GUCD1: variants seen among roughly 807,000 people sequenced by gnomAD.
GUCD1 encodes the protein protein GUCD1.
A neutral mutation model predicts 28.3 loss-of-function variants in GUCD1; 17 were observed. The ratio of observed to expected loss-of-function variants is 0.60; its 90% confidence interval spans 0.41 to 0.90. GUCD1 has a LOEUF of 0.90. GUCD1 is among the 40% of genes least tolerant of loss of function. GUCD1 has a pLI of 0.00. For synonymous variants in GUCD1, 129 were observed against 123.3 expected (o/e 1.05, Z -0.30); for missense variants, 279 against 305.5 (o/e 0.91, Z 0.65).
upstream of GUCD1, chr22:24,555,181 C>A: frequency 7.7e-7 from 1 of 1,302,336 alleles, no homozygotes; most frequent in Non-Finnish European, 9.7e-7. Context: ...GGTCTCGAAT[C>A]TGGAGGCCCC....
intron 1 of GUCD1, among the ~76,000 whole-genome samples, chr22:24,551,918 G>A (rs990909745): frequency 6.6e-6 from 1 of 152,242 alleles, no homozygotes; most frequent in Non-Finnish European, 1.5e-5. Flanking sequence ...AAGAAGTGTG[G>A]CCTTTTGTGA....
At chr22:24,549,655 C>T (rs983005104) in intron 1 of GUCD1, among the ~76,000 whole-genome samples, 2 of 152,172 alleles carry the variant, frequency 1.3e-5, no homozygotes, top group East Asian at 1.9e-4. Flanking sequence ...CTGTAGTCCA[C>T]AGGCGTGCGC....
At chr22:24,555,824 A>C (rs367997605), upstream of GUCD1, 5 of 1,545,900 alleles carry the variant, frequency 3.2e-6, no homozygotes, top group Non-Finnish European at 4.4e-6. Flanking sequence ...GGGCCCAGTC[A>C]TCAGCCCTCT....
chr22:24,554,049 T>G (rs1183780413), intron 1 of GUCD1, among the ~76,000 whole-genome samples: 1 of 152,238 alleles, frequency 6.6e-6, no homozygotes, highest in Non-Finnish European at 1.5e-5. Context: ...TTAACCCATC[T>G]CAGACTCAGT....
Position 24,540,820 on chromosome 22 carries a change from C to T in GUCD1, c.*2186G>A, listed in dbSNP as rs1569003700. Reference sequence around the variant, plus strand: ...CTTGTGGCATGCCCTGAGAAGCCATCCTCTGGGACCAGAGACTGAGTGTTT... The same window carrying T: ...CTTGTGGCATGCCCTGAGAAGCCATTCTCTGGGACCAGAGACTGAGTGTTT... On this transcript the variant is annotated 3_prime_UTR_variant, in exon 6 of 6. Transcript: ENST00000435822. The T allele has an allele frequency of 6.4e-6, 1 of 156,130 alleles. No individual in the cohort carries two copies. Among genetic ancestry groups the T allele is most frequent in the Non-Finnish European group, 1.5e-5 (1 of 68,240 alleles). The allele number at this position is 156,130 out of a possible 1,614,324, so 9.7% of individuals were successfully genotyped here. A position where few individuals can be genotyped will look rare whatever the true frequency, so the allele number is the denominator to read the frequency against.
At chr22:24,543,776 G>T in intron 5 of GUCD1, 66 bp downstream of exon 5, 1 of 1,571,390 alleles carries the variant, frequency 6.4e-7, no homozygotes, top group South Asian at 1.2e-5. Context: ...TGGGAACTGT[G>T]GGCACTGGGC....
intron 4 of GUCD1, among the ~76,000 whole-genome samples, chr22:24,544,315 T>TCTG (rs2044671642): frequency 6.6e-6 from 1 of 151,920 alleles, no homozygotes; most frequent in African/African-American, 2.4e-5. Context: ...ATGAGCTGGC[T>TCTG]CTGTCAGGCC....
upstream of GUCD1, chr22:24,555,875 C>T (rs1300763896): frequency 2.0e-6 from 3 of 1,521,506 alleles, no homozygotes; most frequent in Admixed American, 3.9e-5. Flanking sequence ...CCTAGTTTCC[C>T]AGCCGGCAGG....
In GUCD1 at chr22:24,548,011, C is replaced by A. The variant is rs186614908; in HGVS notation, c.191G>T (p.Arg64Met). Residue 64 changes from arginine to methionine, a missense_variant, in exon 3 of 6, where the codon AGG (arginine) becomes ATG (methionine). Transcript: ENST00000435822. ...ERALQKLQLT[R>M]SIWTIDLAYL... ...GGCCAGGTCGATGGTCCAGATGCTC[C>A]TGGTCAGCTGCAGCTTCTGCAGGGC... 1.6e-5 allele frequency: 26 copies of A among 1,614,050 alleles called. No individual in the cohort carries two copies. In the South Asian group the frequency reaches 2.7e-4, roughly 17 times the overall value.
chr22:24,554,578 G>C (rs933248145), intron 1 of GUCD1, among the ~76,000 whole-genome samples: 1 of 152,236 alleles, frequency 6.6e-6, no homozygotes, highest in South Asian at 2.1e-4. Flanking sequence ...TGAAGAACAA[G>C]AGCAAGACAA....
At chr22:24,545,005 G>C (rs1439996652) in intron 4 of GUCD1, among the ~76,000 whole-genome samples, 1 of 150,082 alleles carries the variant, frequency 6.7e-6, no homozygotes, top group Non-Finnish European at 1.5e-5. Flanking sequence ...CTGTATGACA[G>C]ATTAAGACCC....
intron 4 of GUCD1, among the ~76,000 whole-genome samples, chr22:24,545,881 G>A (rs112895854): frequency 0.028 from 4,243 of 151,624 alleles, 88 homozygotes; most frequent in Middle Eastern, 0.062. Context: ...GTGAGCCACC[G>A]TGCCCGGCCT....
chr22:24,545,334 A>G (rs1190254767), intron 4 of GUCD1, among the ~76,000 whole-genome samples: 1 of 152,154 alleles, frequency 6.6e-6, no homozygotes, highest in African/African-American at 2.4e-5. Context: ...GATTTCAGCT[A>G]TAGGGAAAAA....
chr22:24,542,313 C>T lies in GUCD1; in HGVS notation c.*693G>A, dbSNP rs1022551218. Reference sequence around the variant, plus strand: ...GAGGCCTACCAGTGGGATCTAGGCCCGAGAGCCCTCCATCTGACAGAGCTG... The same window carrying T: ...GAGGCCTACCAGTGGGATCTAGGCCTGAGAGCCCTCCATCTGACAGAGCTG... On this transcript the variant is annotated 3_prime_UTR_variant, in exon 6 of 6. Transcript: ENST00000435822. 9 of 152,284 alleles carry T rather than the reference C, an allele frequency of 5.9e-5. No individual in the cohort carries two copies. The highest frequency in any genetic ancestry group is 5.2e-4 in the Admixed American group (8 of 15,284). The allele number at this position is 152,284 out of a possible 1,614,324, so 9.4% of individuals were successfully genotyped here. A position where few individuals can be genotyped will look rare whatever the true frequency, so the allele number is the denominator to read the frequency against.
intron 1 of GUCD1, among the ~76,000 whole-genome samples, chr22:24,554,240 A>G (rs2044965626): frequency 6.6e-6 from 1 of 152,136 alleles, no homozygotes; most frequent in Admixed American, 6.5e-5. Context: ...CTTGTCTCAG[A>G]CCACAGGGCT....
At chr22:24,543,348 T>TA (rs2044641413) in intron 5 of GUCD1, among the ~76,000 whole-genome samples, 1 of 152,172 alleles carries the variant, frequency 6.6e-6, no homozygotes, top group African/African-American at 2.4e-5. Flanking sequence ...CCAGGCCACA[T>TA]AGACGGGGTA....
intron 1 of GUCD1, among the ~76,000 whole-genome samples, chr22:24,554,160 C>T (rs1161238849): frequency 6.6e-6 from 1 of 152,272 alleles, no homozygotes; most frequent in African/African-American, 2.4e-5. Flanking sequence ...ACGCAGCGCG[C>T]GCCTGCCTCA....
Position 24,543,091 on chromosome 22 carries a change from C to T in GUCD1, c.635G>A (p.Cys212Tyr). 1.9e-6 allele frequency: 3 copies of T among 1,613,588 alleles called. No homozygotes were observed. The highest frequency in any genetic ancestry group is 1.7e-5 in the Admixed American group (1 of 60,010). Reference protein sequence around the residue: ...YNNPAYADRMCSTSISNFEEA... With the variant: ...YNNPAYADRMYSTSISNFEEA... ...CTCAAAGTTACTGATGCTGGTGCTG[C>T]ACATTCCTGCTGGGGGTGGGGAAGG... Residue 212 changes from cysteine (C) to tyrosine (Y), a missense_variant, in exon 6 of 6, where the codon TGC (cysteine) becomes TAC (tyrosine). By Grantham distance (194) the Cys-to-Tyr change is radical. Coordinates refer to ENST00000435822, the MANE Select transcript of GUCD1 (RefSeq NM_001284254.2).
At chr22:24,555,236 C>T (rs1024426106), upstream of GUCD1, 1 of 1,324,802 alleles carries the variant, frequency 7.5e-7, no homozygotes, top group African/African-American at 1.5e-5. Flanking sequence ...TTAGAGGTCC[C>T]CAGCCTCTTG....
Sources: allele counts gnomAD v4.1 joint callset (sites outside exome capture counted in the v4.1 genomes callset), GRCh38; gene constraint gnomAD v4.1.1; transcripts MANE v1.5; gene names NCBI Gene and HGNC (gene_info 2026-07-23, HGNC 2026-07-21).